The following UGGT2 variants were observed in gnomAD, a reference collection of about 807,000 sequenced individuals.
The protein encoded by UGGT2 is UDP-glucose glycoprotein glucosyltransferase 2.
A neutral mutation model predicts 192.1 loss-of-function variants in UGGT2; 180 were observed. The observed-to-expected ratio is 0.94, with a 90% CI of 0.83 to 1.06. The LOEUF (loss-of-function observed/expected upper bound fraction) is 1.06, where lower values mean the gene tolerates loss of function less well. UGGT2 is among the 50% of genes least tolerant of loss of function. The pLI, the probability that UGGT2 is intolerant of heterozygous loss-of-function variation, is 0.00. For synonymous variants in UGGT2, 580 were observed against 591.0 expected (o/e 0.98, Z 0.27); for missense variants, 1,849 against 1,795.7 (o/e 1.03, Z -0.54).
At chr13:95,936,347 G>C (rs1311464044) in intron 17 of UGGT2, among the ~76,000 whole-genome samples, 2 of 152,230 alleles carry the variant, frequency 1.3e-5, no homozygotes, top group Non-Finnish European at 2.9e-5. Flanking sequence ...GCCCTTATGA[G>C]TAAAAGCCAG....
intron 33 of UGGT2, chr13:95,856,686 C>A: frequency 2.4e-6 from 1 of 421,658 alleles, no homozygotes; most frequent in Non-Finnish European, 4.6e-6. Flanking sequence ...GATCTTGGAA[C>A]ACCTACATAT....
Position 95,895,333 on chromosome 13 carries a change from A to G in UGGT2, c.2635-29T>C, listed in dbSNP as rs1177009876. On this transcript the variant is annotated intron_variant, in intron 22 of 38. Coordinates refer to ENST00000376747, the MANE Select transcript of UGGT2 (RefSeq NM_020121.4). Reference sequence around the variant, plus strand: ...AAAATAAAAACAGTTATATTATCATATATCTTCTAGAAGATATCAGTTTAG... The same window carrying G: ...AAAATAAAAACAGTTATATTATCATGTATCTTCTAGAAGATATCAGTTTAG... 3 of 1,290,682 alleles carry G rather than the reference A, an allele frequency of 2.3e-6. No homozygotes were observed. The African/African-American group carries it at 4.6e-5, about 20-fold the overall frequency. 80.0% of individuals were successfully genotyped at this position (1,290,682 alleles called of 1,614,324 possible).
At chr13:95,925,630 C>T in intron 20 of UGGT2, 50 bp downstream of exon 20, 1 of 1,260,796 alleles carries the variant, frequency 7.9e-7, no homozygotes, top group African/African-American at 1.5e-5. Context: ...TATTGCTTTC[C>T]TTAAATTGAA....
chr13:95,844,617 T>C (rs1368127464), intron 36 of UGGT2, among the ~76,000 whole-genome samples: 1 of 152,238 alleles, frequency 6.6e-6, no homozygotes, highest in African/African-American at 2.4e-5. Context: ...AATTGGATTT[T>C]CATAGTGATT....
At chr13:95,979,823 T>C (rs1008925454) in intron 10 of UGGT2, among the ~76,000 whole-genome samples, 6 of 151,638 alleles carry the variant, frequency 4.0e-5, no homozygotes, top group Non-Finnish European at 8.8e-5. Flanking sequence ...CATCAAAAAG[T>C]GGGCTAAGAA....
rs143700863 is a variant in UGGT2, at chr13:96,008,802, T to A, written c.660+4505A>T. 4.8e-3 allele frequency among the ~76,000 whole-genome samples: 738 copies of A among 152,316 alleles called. 9 individuals carry two copies. The highest frequency in any genetic ancestry group is 0.017 in the African/African-American group (695 of 41,560). ...ATCAATATTGTTAAAATAGCCACAC[T>A]GCCAAAACAATTTACAGATTCAAGG... On this transcript the variant is annotated intron_variant, in intron 5 of 38. Transcript: ENST00000376747.
At chr13:95,863,116 A>T (rs755761064) in intron 31 of UGGT2, among the ~76,000 whole-genome samples, 1 of 151,948 alleles carries the variant, frequency 6.6e-6, no homozygotes, top group Non-Finnish European at 1.5e-5. Flanking sequence ...TCCTGCCATC[A>T]CCTCTCAAAG....
chr13:95,995,946 G>A (rs2051604235), intron 7 of UGGT2, 117 bp downstream of exon 7: 6 of 832,360 alleles, frequency 7.2e-6, no homozygotes, highest in Admixed American at 2.2e-5. Context: ...GTATGTGTGT[G>A]TGTTTGTACT....
intron 19 of UGGT2, among the ~76,000 whole-genome samples, chr13:95,925,991 G>A (rs2049004137): frequency 6.6e-6 from 1 of 151,276 alleles, no homozygotes; most frequent in Non-Finnish European, 1.5e-5. Flanking sequence ...ATGCTACAAG[G>A]GTAATTCATT....
At chr13:95,848,612 T>C (rs1184624709) in intron 36 of UGGT2, among the ~76,000 whole-genome samples, 1 of 152,216 alleles carries the variant, frequency 6.6e-6, no homozygotes, top group Non-Finnish European at 1.5e-5. Context: ...GATTTATTTC[T>C]GGGCTCTCTA....
chr13:95,981,590 G>A (rs1444560485), intron 10 of UGGT2, among the ~76,000 whole-genome samples: 1 of 152,022 alleles, frequency 6.6e-6, no homozygotes, highest in African/African-American at 2.4e-5. Flanking sequence ...AATTGACCTG[G>A]TGTAAATAAA....
chr13:95,821,056 G>A (rs1373538147), intron 38 of UGGT2, among the ~76,000 whole-genome samples: 1 of 152,090 alleles, frequency 6.6e-6, no homozygotes, highest in Non-Finnish European at 1.5e-5. Context: ...AAACGTGTGT[G>A]CATGTGTCTT....
chr13:95,975,186 AAAC>A (rs1185122475), intron 10 of UGGT2, among the ~76,000 whole-genome samples: 3 of 152,338 alleles, frequency 2.0e-5, no homozygotes, highest in African/African-American at 7.2e-5. Context: ...AGATGTAAAT[AAAC>A]ACTAAAGACC....
intron 1 of UGGT2, among the ~76,000 whole-genome samples, chr13:96,035,726 G>A (rs528928613): frequency 2.6e-5 from 4 of 151,898 alleles, no homozygotes; most frequent in South Asian, 2.1e-4. Flanking sequence ...AAAAACAAAC[G>A]ACCCCATTAA....
intron 30 of UGGT2, among the ~76,000 whole-genome samples, chr13:95,865,934 A>G (rs1427378205): frequency 1.3e-5 from 2 of 152,220 alleles, no homozygotes; most frequent in African/African-American, 4.8e-5. Flanking sequence ...AGGAAATGAG[A>G]CAGAAAGAGA....
At chr13:95,978,474 A>G (rs2051010726) in intron 10 of UGGT2, among the ~76,000 whole-genome samples, 1 of 152,126 alleles carries the variant, frequency 6.6e-6, no homozygotes. Context: ...CATTCTGTAG[A>G]TTTTCTCTTC....
intron 20 of UGGT2, among the ~76,000 whole-genome samples, chr13:95,911,669 G>A (rs932512890): frequency 2.0e-5 from 3 of 152,002 alleles, no homozygotes; most frequent in Non-Finnish European, 2.9e-5. Flanking sequence ...AAGAGGAGCT[G>A]GTACCATTCC....
At chr13:95,976,094 A>C (rs2050929155) in intron 10 of UGGT2, among the ~76,000 whole-genome samples, 1 of 151,762 alleles carries the variant, frequency 6.6e-6, no homozygotes, top group Non-Finnish European at 1.5e-5. Flanking sequence ...ACCCCTCCTC[A>C]TTTTCCCCAG....
intron 5 of UGGT2, among the ~76,000 whole-genome samples, chr13:96,005,020 T>C (rs1022367722): frequency 6.6e-6 from 1 of 152,134 alleles, no homozygotes; most frequent in Non-Finnish European, 1.5e-5. Context: ...ATGAGACTGA[T>C]AATGGAAAAC....
Sources: allele counts gnomAD v4.1 joint callset (sites outside exome capture counted in the v4.1 genomes callset), GRCh38; gene constraint gnomAD v4.1.1; transcripts MANE v1.5; gene names NCBI Gene and HGNC (gene_info 2026-07-23, HGNC 2026-07-21).